Variants in CAPN13 observed in about 807,000 individuals in gnomAD.
The protein encoded by CAPN13 is calpain 13, also known as calpain-13.
Under a neutral mutation model 98.4 loss-of-function variants are expected in CAPN13, and 90 were observed. The observed-to-expected ratio is 0.92, with a 90% CI of 0.77 to 1.09. The LOEUF (loss-of-function observed/expected upper bound fraction) is 1.09. Among genes scored for constraint, CAPN13 ranks in the 50% least tolerant of loss-of-function variants. CAPN13 has a pLI of 0.00. For synonymous variants in CAPN13, 330 were observed against 305.5 expected (o/e 1.08, Z -0.84); for missense variants, 887 against 841.3 (o/e 1.05, Z -0.67).
intron 18 of CAPN13, 37 bp downstream of exon 18, chr2:30,736,466 A>T (rs755036452): frequency 6.2e-7 from 1 of 1,604,532 alleles, no homozygotes; most frequent in South Asian, 1.1e-5. Context: ...CTAACTGGAC[A>T]GAATGAGAGT....
intron 4 of CAPN13, among the ~76,000 whole-genome samples, chr2:30,774,191 G>A (rs1172158480): frequency 1.3e-5 from 2 of 151,934 alleles, no homozygotes; most frequent in Admixed American, 1.3e-4. Flanking sequence ...ACACACCTCA[G>A]AGGAAAGTAA....
At chr2:30,757,915 G>A (rs546583496) in intron 8 of CAPN13, 131 bp downstream of exon 8, 5 of 641,832 alleles carry the variant, frequency 7.8e-6, no homozygotes, top group East Asian at 6.0e-5. Context: ...CGATAGCCAC[G>A]TGTAGGTGTG....
At position 30,758,823 on chromosome 2, in the gene CAPN13, T is replaced by C. The variant is rs199579445; in HGVS notation, c.775-686A>G. 1.2e-3 allele frequency among the ~76,000 whole-genome samples: 86 copies of C among 72,078 alleles called. 1 individual carries two copies. Among genetic ancestry groups the C allele is most frequent in the South Asian group, 2.4e-3 (4 of 1,682 alleles). The allele number at this position is 72,078 out of a possible 152,430, so 47.3% of individuals were successfully genotyped here. A position where few individuals can be genotyped will look rare whatever the true frequency, so the allele number is the denominator to read the frequency against. On this transcript the variant is annotated intron_variant, in intron 7 of 22. Transcript: ENST00000295055. ...TCCTCCCTCCCTTCCCTTCCTCCCT[T>C]CCTTCCTCCCTTCCTTCTTTCCCTT... is the stretch of plus-strand genomic sequence containing the variant.
chr2:30,782,540 G>T (rs1053250190), intron 2 of CAPN13, among the ~76,000 whole-genome samples: 4 of 152,152 alleles, frequency 2.6e-5, no homozygotes, highest in Non-Finnish European at 4.4e-5. Context: ...CTTTCCTGAA[G>T]AGCACGTTTT....
rs371876102 is a variant in CAPN13, at chr2:30,770,298, C to T, written c.524+15G>A. ...ACTGAAACTCTGGGCTGATGGGTGG[C>T]GGGGTTGTACTTACTTGGCATAGGC... On this transcript the variant is annotated intron_variant, in intron 5 of 22. Coordinates refer to ENST00000295055, the MANE Select transcript of CAPN13 (RefSeq NM_144575.3). The T allele has an allele frequency of 4.7e-5, 75 of 1,611,554 alleles. No individual in the cohort carries two copies. The African/African-American group carries it at 5.6e-4, about 12-fold the overall frequency.
intron 11 of CAPN13, among the ~76,000 whole-genome samples, chr2:30,750,025 A>T (rs1672095632): frequency 1.3e-5 from 2 of 152,214 alleles, no homozygotes; most frequent in African/African-American, 2.4e-5. Flanking sequence ...GCATTGCAGC[A>T]CTGTTCACAA....
chr2:30,776,185 C>CGG, intron 3 of CAPN13, 140 bp from the exon 4 acceptor site: 1 of 555,242 alleles, frequency 1.8e-6, no homozygotes, highest in Non-Finnish European at 3.2e-6. Context: ...AGAGGAGAAC[C>CGG]GGGGGAGGGA....
At chr2:30,730,963 A>G (rs775592085) in intron 21 of CAPN13, among the ~76,000 whole-genome samples, 177 bp from the exon 22 acceptor site, 1 of 151,810 alleles carries the variant, frequency 6.6e-6, no homozygotes, top group Non-Finnish European at 1.5e-5. Flanking sequence ...ATCTTCTGCT[A>G]CTCCCTGAAT....
intron 13 of CAPN13, among the ~76,000 whole-genome samples, chr2:30,742,907 T>C (rs980791459): frequency 6.6e-6 from 1 of 152,116 alleles, no homozygotes; most frequent in African/African-American, 2.4e-5. Context: ...TTTCAGGCCA[T>C]GTGATATGCT....
At chr2:30,733,158 G>C (rs1321205422) in intron 19 of CAPN13, among the ~76,000 whole-genome samples, 2 of 152,178 alleles carry the variant, frequency 1.3e-5, no homozygotes, top group Non-Finnish European at 2.9e-5. Flanking sequence ...AGTGCACACT[G>C]GCACATAGTC....
chr2:30,789,942 T>C (rs546626185), intron 1 of CAPN13, among the ~76,000 whole-genome samples: 1 of 152,244 alleles, frequency 6.6e-6, no homozygotes, highest in South Asian at 2.1e-4. Context: ...ATTCACTACA[T>C]GGGCTGCCCA....
At chr2:30,764,352 T>C in intron 5 of CAPN13, 46 bp from the exon 6 acceptor site, 7 of 1,597,826 alleles carry the variant, frequency 4.4e-6, no homozygotes, top group Non-Finnish European at 6.0e-6. Context: ...TTTGGTGAGA[T>C]GCTCTGGGAG....
At chr2:30,741,985 T>C (rs1671685135) in intron 14 of CAPN13, 21 bp from the exon 15 acceptor site, 2 of 1,609,972 alleles carry the variant, frequency 1.2e-6, no homozygotes, top group South Asian at 1.1e-5. Flanking sequence ...GGGAAAATAG[T>C]CAATGTTAGA....
rs1350299305 is a variant in CAPN13 at position 30,738,287 on chromosome 2, G to C, written c.1601C>G (p.Pro534Arg). The change falls in exon 17 of 23, where the codon CCA (proline) becomes CGA (arginine). Residue 534 changes from proline (P) to arginine (R), a missense_variant. Transcript: ENST00000295055. ...LLNQELLTGP[P>R]GDMFSLDECR... ...CTCATCTAAGGAGAACATGTCCCCT[G>C]GAGGTCCTGAGGAGAGAAGGACAGG... The C allele has an allele frequency of 2.5e-6, 4 of 1,613,856 alleles. No homozygotes were observed. In the African/African-American group the frequency reaches 4.0e-5, roughly 16 times the overall value.
At position 30,751,268 on chromosome 2, in the gene CAPN13, T is replaced by A; in HGVS notation, c.1088-17A>T. On this transcript the variant is annotated splice_polypyrimidine_tract_variant and intron_variant, in intron 10 of 22. Transcript: ENST00000295055. ...GAGGTCCTCCTGCATCAGAAAGAGC[T>A]GTTACTAGAGCTCAGCTCCACTCCT... is the stretch of plus-strand genomic sequence containing the variant. The A allele has an allele frequency of 6.2e-7, 1 of 1,613,022 alleles. No homozygotes were observed. Among genetic ancestry groups the A allele is most frequent in the Non-Finnish European group, 8.5e-7 (1 of 1,179,208 alleles).
At chr2:30,739,151 A>G (rs1484719184) in intron 15 of CAPN13, among the ~76,000 whole-genome samples, 1 of 152,204 alleles carries the variant, frequency 6.6e-6, no homozygotes, top group East Asian at 1.9e-4. Flanking sequence ...GTTGACAGGC[A>G]GTGTCTTTGA....
At chr2:30,771,590 G>A (rs1238888771) in intron 4 of CAPN13, among the ~76,000 whole-genome samples, 2 of 152,344 alleles carry the variant, frequency 1.3e-5, no homozygotes, top group African/African-American at 2.4e-5. Context: ...GAGGCAACAG[G>A]GATGGTTTTA....
chr2:30,748,210 AG>A (rs1672008767), intron 11 of CAPN13, among the ~76,000 whole-genome samples: 1 of 152,196 alleles, frequency 6.6e-6, no homozygotes, highest in Non-Finnish European at 1.5e-5. Flanking sequence ...TGGGCAGACC[AG>A]GGGCCTCAGT....
rs573891525 is a variant in CAPN13 at position 30,736,559 on chromosome 2, C to T, written c.1666G>A (p.Gly556Arg). 2.5e-6 allele frequency: 4 copies of T among 1,614,004 alleles called. No individual in the cohort carries two copies. The South Asian group carries it at 4.4e-5, about 18-fold the overall frequency. ...LVALMELKVN[G>R]RLDQEEFARL... ...GCAAACTCCTCTTGGTCTAGCCGCC[C>T]ATTCACTTTCAGCTGGGTAAGGAGT... The change falls in exon 18 of 23, where the codon GGG (glycine) becomes AGG (arginine). Residue 556 changes from glycine to arginine, a missense_variant. Physicochemically the swap from Gly to Arg is moderately radical, Grantham distance 125. Transcript: ENST00000295055.
Sources: allele counts gnomAD v4.1 joint callset (sites outside exome capture counted in the v4.1 genomes callset), GRCh38; gene constraint gnomAD v4.1.1; transcripts MANE v1.5; gene names NCBI Gene and HGNC (gene_info 2026-07-23, HGNC 2026-07-21).